Variants in COL16A1 observed in about 807,000 individuals in gnomAD.
The protein encoded by COL16A1 is collagen type XVI alpha 1 chain.
In COL16A1, 189 loss-of-function variants were observed where a neutral mutation model predicts 266.3. The observed-to-expected ratio is 0.71, with a 90% CI of 0.63 to 0.80. COL16A1 has a LOEUF of 0.80. COL16A1 is among the 30% of genes least tolerant of loss of function. COL16A1 has a pLI of 0.00. For missense variants in COL16A1, 1,928 were observed against 2,122.4 expected (o/e 0.91, Z 1.80); for synonymous variants, 740 against 782.3 (o/e 0.95, Z 0.90).
At position 31,685,542 on chromosome 1, in the gene COL16A1, T is replaced by G; in HGVS notation, c.2016+97A>C. 1 of 676,886 alleles carries G rather than the reference T, an allele frequency of 1.5e-6. No homozygotes were observed. Among genetic ancestry groups the G allele is most frequent in the Non-Finnish European group, 2.4e-6 (1 of 420,616 alleles). The allele number at this position is 676,886 out of a possible 1,614,324, so 41.9% of individuals were successfully genotyped here. On this transcript the variant is annotated intron_variant, in intron 29 of 70. Transcript: ENST00000373672. The surrounding 1 kb of genome is among the most constrained non-coding windows in gnomAD (Gnocchi z 4.0). ...CCACACCCTCCCCACTACCCCCAAC[T>G]GCCCAGGGAGTCAAGAGACCCAGGC...
At chr1:31,666,814 C>T (rs1642185342) in intron 52 of COL16A1, among the ~76,000 whole-genome samples, 1 of 152,136 alleles carries the variant, frequency 6.6e-6, no homozygotes, top group East Asian at 1.9e-4. Context: ...AAACACCTCT[C>T]CAGCCCCTTC....
Position 31,656,239 on chromosome 1 carries a change from T to C in COL16A1, c.4101+161A>G. Reference sequence around the variant, plus strand: ...CCCCCAACCACAGCTAATGACCCCATGTGAGAAATTTTCAGACACTATCCT... The same window carrying C: ...CCCCCAACCACAGCTAATGACCCCACGTGAGAAATTTTCAGACACTATCCT... On this transcript the variant is annotated intron_variant, in intron 66 of 70. Transcript: ENST00000373672. The surrounding 1 kb of genome is among the most constrained non-coding windows in gnomAD (Gnocchi z 4.2). 5 of 1,151,030 alleles carry C rather than the reference T, an allele frequency of 4.3e-6. No homozygotes were observed. The allele number at this position is 1,151,030 out of a possible 1,614,324, so 71.3% of individuals were successfully genotyped here.
intron 17 of COL16A1, 98 bp from the exon 18 acceptor site, chr1:31,691,740 C>G (rs1256602153): frequency 6.8e-7 from 1 of 1,460,892 alleles, no homozygotes; most frequent in Non-Finnish European, 9.3e-7. Context: ...CCTCCCTGCC[C>G]CTCCCCCAAA....
Position 31,697,884 on chromosome 1 carries a change from C to G in COL16A1, c.657+22G>C. 1.3e-6 allele frequency: 2 copies of G among 1,583,778 alleles called. No homozygotes were observed. Among genetic ancestry groups the G allele is most frequent in the Non-Finnish European group, 8.6e-7 (1 of 1,162,882 alleles). On this transcript the variant is annotated intron_variant, in intron 6 of 70. Transcript: ENST00000373672. The surrounding 1 kb of genome is among the most constrained non-coding windows in gnomAD (Gnocchi z 4.2). ...GTTCCCAGAAGGCAGGAACAGAGGT[C>G]AGGGCCTGACCTAGCACTCACCGAG...
chr1:31,693,001 T>C lies in COL16A1; in HGVS notation c.1071+91A>G, dbSNP rs1254460504. On this transcript the variant is annotated intron_variant, in intron 13 of 70. Coordinates refer to ENST00000373672, the MANE Select transcript of COL16A1 (RefSeq NM_001856.4). ...GATCTGGGCCAAGCTGCAGGCTTTC[T>C]GCCGGGATGATGGGATGATGGCTCA... The C allele has an allele frequency of 3.9e-6, 4 of 1,033,524 alleles. No homozygotes were observed. The East Asian group carries it at 1.0e-4, about 26-fold the overall frequency. 64.0% of individuals were successfully genotyped at this position (1,033,524 alleles called of 1,614,324 possible).
rs563484005 is a variant in COL16A1, at chr1:31,661,382, T to C, written c.3771+32A>G. The stretch of plus-strand genomic sequence containing the variant: ...GGGCAAGCCTTCAGGAGAGCAGAGA[T>C]AACCTGCTTGGCAGAGGTCACCAGC... On this transcript the variant is annotated intron_variant, in intron 60 of 70. Coordinates refer to ENST00000373672, the MANE Select transcript of COL16A1 (RefSeq NM_001856.4). The C allele has an allele frequency of 3.1e-6, 5 of 1,613,892 alleles. No individual in the cohort carries two copies. In the African/African-American group the frequency reaches 6.7e-5, roughly 22 times the overall value.
intron 17 of COL16A1, 81 bp downstream of exon 17, chr1:31,691,924 G>T: frequency 6.3e-7 from 1 of 1,599,698 alleles, no homozygotes; most frequent in Non-Finnish European, 8.5e-7. Context: ...AGGGGAGGGG[G>T]CTGGATTCCC....
chr1:31,653,938 C>T lies in COL16A1; in HGVS notation c.4463G>A (p.Gly1488Asp). 1.2e-6 allele frequency: 2 copies of T among 1,614,194 alleles called. No homozygotes were observed. The highest frequency in any genetic ancestry group is 1.7e-6 in the Non-Finnish European group (2 of 1,180,034). ...AGGGAGCCCAGGTGACCCTGGAGCA[C>T]CTGGCCTGCCCGGAGCACCATCCTT... ...PGKDGAPGRP[G>D]APGSPGLPGQ... The change falls in exon 69 of 71, where the codon GGT (glycine) becomes GAT (aspartate). Residue 1488 changes from glycine (G) to aspartate (D), a missense_variant. Gly to Asp is a moderately conservative substitution (Grantham distance 94). This residue lies in a region of COL16A1 where 376 missense variants were observed against 485.2 expected (regional missense o/e 0.77). Transcript: ENST00000373672.
chr1:31,684,108 C>T lies in COL16A1; in HGVS notation c.2283+1G>A, dbSNP rs757900396. The T allele has an allele frequency of 1.2e-5, 19 of 1,594,570 alleles. No homozygotes were observed. Among genetic ancestry groups the T allele is most frequent in the Admixed American group, 3.5e-5 (2 of 57,250 alleles). On this transcript the variant is annotated splice_donor_variant, in intron 32 of 70. Coordinates refer to ENST00000373672, the MANE Select transcript of COL16A1 (RefSeq NM_001856.4). LOFTEE classifies it high-confidence loss of function. ...GAAGGGCCGGAGGGCAGGCAACTCA[C>T]GGGTTTACCAGGTCGGCCCACGCCT...
At chr1:31,676,764 A>G (rs1643220541) in intron 42 of COL16A1, among the ~76,000 whole-genome samples, 1 of 152,226 alleles carries the variant, frequency 6.6e-6, no homozygotes, top group Non-Finnish European at 1.5e-5. Context: ...AGTATGTTCC[A>G]TTTTGAATCC....
Position 31,656,934 on chromosome 1 carries a change from A to C in COL16A1, c.4056+99T>G, listed in dbSNP as rs1328226861. 11 of 1,537,720 alleles carry C rather than the reference A, an allele frequency of 7.2e-6. No individual in the cohort carries two copies. The East Asian group carries it at 2.5e-4, about 35-fold the overall frequency. ...AACAATTTCCAGAGACAGCCCGTACATAGAAGGAATGTTTACTGAAAAAAA... is the reference window on the plus strand; with the variant it reads ...AACAATTTCCAGAGACAGCCCGTACCTAGAAGGAATGTTTACTGAAAAAAA... On this transcript the variant is annotated intron_variant, in intron 65 of 70. Coordinates refer to ENST00000373672, the MANE Select transcript of COL16A1 (RefSeq NM_001856.4). This position sits in a 1 kb window ranked among gnomAD's most constrained non-coding sequence, Gnocchi z 4.2.
Position 31,698,604 on chromosome 1 carries a change from C to G in COL16A1, c.269G>C (p.Arg90Thr). The G allele has an allele frequency of 1.2e-6, 2 of 1,613,734 alleles. No individual in the cohort carries two copies. The highest frequency in any genetic ancestry group is 8.5e-7 in the Non-Finnish European group (1 of 1,179,920). The change falls in exon 5 of 71, where the codon AGA (arginine) becomes ACA (threonine). Residue 90 changes from arginine to threonine, a missense_variant and splice_region_variant. Arg to Thr is a moderately conservative substitution (Grantham distance 71, BLOSUM62 -1). Around this residue, in one of 2 missense-constraint regions of COL16A1, gnomAD observed 1,552 missense variants for 1,637.2 expected, o/e 0.95. Transcript: ENST00000373672. This position sits in a 1 kb window ranked among gnomAD's most constrained non-coding sequence, Gnocchi z 4.1. ...CTCCGGGAGACCCCGAGGGAATACT[C>G]TTCTGGAGATGGAGCAGGGAGGGTG... ...GAAPVTQPTR[R>T]VFPRGLPEEF...
At position 31,672,467 on chromosome 1, in the gene COL16A1, C is replaced by T; in HGVS notation, c.3054G>A (p.Gly1018=). ...DNSEGDPGCV[G]SPGLPGPPGL... ...CCGGAGGACCAGGTAGGCCTGGGCT[C>T]CCAACACAGCCAGGATCTCCCTCAC... Residue 1018 remains glycine (G), a synonymous_variant, in exon 47 of 71, where the codon GGG becomes GGA. Coordinates refer to ENST00000373672, the MANE Select transcript of COL16A1 (RefSeq NM_001856.4). The T allele has an allele frequency of 6.2e-7, 1 of 1,614,148 alleles. No individual in the cohort carries two copies. Among genetic ancestry groups the T allele is most frequent in the Non-Finnish European group, 8.5e-7 (1 of 1,180,002 alleles).
At chr1:31,667,798 C>T (rs1202102389) in intron 51 of COL16A1, among the ~76,000 whole-genome samples, 170 bp from the exon 52 acceptor site, 1 of 152,152 alleles carries the variant, frequency 6.6e-6, no homozygotes, top group Admixed American at 6.5e-5. Context: ...GCCACCGTGC[C>T]CCCCAAGCCC....
chr1:31,659,157 G>A (rs1419323545), intron 62 of COL16A1, among the ~76,000 whole-genome samples, 193 bp from the exon 63 acceptor site: 1 of 152,186 alleles, frequency 6.6e-6, no homozygotes, highest in East Asian at 1.9e-4. Context: ...GGGGTCCTGG[G>A]CACACAGGAC....
chr1:31,696,331 C>T (rs546068959), intron 8 of COL16A1, among the ~76,000 whole-genome samples, 190 bp from the exon 9 acceptor site: 3 of 140,120 alleles, frequency 2.1e-5, no homozygotes, highest in Admixed American at 7.0e-5. Context: ...CTTCCCCCCC[C>T]ACCCACCCAT....
At chr1:31,684,031 T>A in intron 32 of COL16A1, 28 bp from the exon 33 acceptor site, 3 of 1,613,134 alleles carry the variant, frequency 1.9e-6, no homozygotes, top group Non-Finnish European at 2.5e-6. Flanking sequence ...GCCCATGGAG[T>A]CCCCACAGGA....
intron 14 of COL16A1, 47 bp from the exon 15 acceptor site, chr1:31,692,689 G>A: frequency 4.3e-6 from 7 of 1,613,482 alleles, no homozygotes; most frequent in Non-Finnish European, 5.9e-6. Flanking sequence ...GTCACCTGAT[G>A]GGCTGCCAAG....
chr1:31,665,104 G>A, intron 56 of COL16A1, 68 bp downstream of exon 56: 3 of 1,573,956 alleles, frequency 1.9e-6, no homozygotes, highest in Non-Finnish European at 2.6e-6. Flanking sequence ...TGATGCTAGG[G>A]GTGGGACAGG....
Sources: allele counts gnomAD v4.1 joint callset (sites outside exome capture counted in the v4.1 genomes callset), GRCh38; gene constraint gnomAD v4.1.1; regional missense constraint gnomAD v4.1.1; non-coding constraint Gnocchi (gnomAD v3.1); transcripts MANE v1.5; gene names NCBI Gene and HGNC (gene_info 2026-07-23, HGNC 2026-07-21).